Variants in PCCA observed in about 807,000 individuals in gnomAD.
PCCA encodes the protein propionyl-CoA carboxylase subunit alpha.
In PCCA, 74 loss-of-function variants were observed where a neutral mutation model predicts 101.3. The observed-to-expected ratio is 0.73, with a 90% confidence interval of 0.61 to 0.89. The LOEUF is 0.89. Ranked by LOEUF, PCCA falls within the 40% of genes least tolerant of loss-of-function variation. PCCA has a pLI of 0.00. For synonymous variants in PCCA, 294 were observed against 313.6 expected, an observed-to-expected ratio of 0.94 and a Z score of 0.66; for missense variants, 891 against 907.0, an observed-to-expected ratio of 0.98 and a Z score of 0.23.
chr13:100,298,672 CTCCTTCCTTCCTTCCT>C (rs1162874306), intron 12 of PCCA, among the ~76,000 whole-genome samples: 245 of 3,076 alleles, frequency 0.08, 9 homozygotes, highest in African/African-American at 0.12. Context: ...CCCTCCCTCC[CTCCTTCCTTCCTTCCT>C]TCCTTCCTTC....
intron 8 of PCCA, among the ~76,000 whole-genome samples, chr13:100,249,901 T>C (rs570536278): frequency 6.6e-6 from 1 of 152,326 alleles, no homozygotes; most frequent in African/African-American, 2.4e-5. Flanking sequence ...TAATCTTTTG[T>C]ATATTAATTT....
intron 21 of PCCA, among the ~76,000 whole-genome samples, chr13:100,458,820 G>A (rs1447939336): frequency 6.6e-6 from 1 of 152,078 alleles, no homozygotes; most frequent in African/African-American, 2.4e-5. Flanking sequence ...CTCACCTTTG[G>A]TATCTATCCG....
intron 20 of PCCA, among the ~76,000 whole-genome samples, chr13:100,431,708 T>A (rs2152902428): frequency 6.6e-6 from 1 of 151,374 alleles, no homozygotes; most frequent in East Asian, 2.0e-4. Context: ...CCACTAAAAA[T>A]ACAAAAAATT....
chr13:100,315,399 C>T (rs750600865), intron 16 of PCCA, among the ~76,000 whole-genome samples: 2 of 152,108 alleles, frequency 1.3e-5, no homozygotes, highest in Admixed American at 6.5e-5. Flanking sequence ...TTTGAACTTA[C>T]ATATTACTCA....
intron 4 of PCCA, among the ~76,000 whole-genome samples, chr13:100,133,097 T>A (rs1300569354): frequency 6.6e-6 from 1 of 152,192 alleles, no homozygotes; most frequent in East Asian, 1.9e-4. Flanking sequence ...ACCACTCTAA[T>A]ATGGTTTGGA....
chr13:100,411,543 C>G (rs951776722), intron 19 of PCCA, among the ~76,000 whole-genome samples: 1 of 152,092 alleles, frequency 6.6e-6, no homozygotes, highest in African/African-American at 2.4e-5. Context: ...TGGTCTATGC[C>G]CTGCAAGTCT....
intron 19 of PCCA, among the ~76,000 whole-genome samples, chr13:100,375,798 A>G (rs1305379674): frequency 6.6e-6 from 1 of 152,234 alleles, no homozygotes; most frequent in Admixed American, 6.5e-5. Flanking sequence ...TAACAATATT[A>G]ACCTTAAATG....
chr13:100,119,189 C>T (rs1316956279), intron 4 of PCCA, among the ~76,000 whole-genome samples: 1 of 151,740 alleles, frequency 6.6e-6, no homozygotes, highest in Non-Finnish European at 1.5e-5. Flanking sequence ...TATCTTTTTT[C>T]TTATGTATTT....
chr13:100,095,039 C>T (rs1450901386), intron 1 of PCCA, among the ~76,000 whole-genome samples: 1 of 152,210 alleles, frequency 6.6e-6, no homozygotes. Context: ...GGCCATGCTT[C>T]GCCTGAAGGC....
intron 6 of PCCA, among the ~76,000 whole-genome samples, chr13:100,206,613 GT>G (rs1325473789): frequency 6.6e-6 from 1 of 152,126 alleles, no homozygotes; most frequent in Non-Finnish European, 1.5e-5. Flanking sequence ...AAAACTAACA[GT>G]TGTGGCACTC....
chr13:100,238,538 A>G (rs1288577688), intron 8 of PCCA, among the ~76,000 whole-genome samples: 1 of 152,112 alleles, frequency 6.6e-6, no homozygotes, highest in Non-Finnish European at 1.5e-5. Context: ...GCTATTAAGT[A>G]TAAGAGTACT....
intron 21 of PCCA, among the ~76,000 whole-genome samples, chr13:100,494,180 C>T (rs958904838): frequency 4.0e-5 from 6 of 151,366 alleles, no homozygotes; most frequent in African/African-American, 1.5e-4. Flanking sequence ...AGAGGAGACT[C>T]TGTCTCAAAA....
chr13:100,223,391 G>C (rs2059937568), intron 7 of PCCA, among the ~76,000 whole-genome samples: 1 of 152,098 alleles, frequency 6.6e-6, no homozygotes, highest in Non-Finnish European at 1.5e-5. Context: ...TGGTCTTGCT[G>C]GCTCAGGAGT....
At chr13:100,126,737 A>G (rs2049994177) in intron 4 of PCCA, among the ~76,000 whole-genome samples, 1 of 152,190 alleles carries the variant, frequency 6.6e-6, no homozygotes, top group Non-Finnish European at 1.5e-5. Flanking sequence ...TAAATCCATG[A>G]GCAAACTGGA....
intron 6 of PCCA, among the ~76,000 whole-genome samples, chr13:100,186,717 G>GGT (rs2057297947): frequency 7.0e-6 from 1 of 142,422 alleles, no homozygotes; most frequent in African/African-American, 2.7e-5. Flanking sequence ...CTCCAGCCTG[G>GGT]GTGAGAGTGA....
rs548173469 is a variant in PCCA at position 100,332,554 on chromosome 13, A to G, written c.1540+1883A>G. 7.9e-5 allele frequency among the ~76,000 whole-genome samples: 12 copies of G among 152,316 alleles called. 1 individual carries two copies. Among genetic ancestry groups the G allele is most frequent in the Admixed American group, 2.6e-4 (4 of 15,296 alleles). On this transcript the variant is annotated intron_variant, in intron 17 of 23. Transcript: ENST00000376285. ...TACACATTTATATATAAGTTTGTCTATATGTATGTATGGTGAAGTATCCCA... is the reference window on the plus strand; with the variant it reads ...TACACATTTATATATAAGTTTGTCTGTATGTATGTATGGTGAAGTATCCCA...
chr13:100,387,103 A>C (rs988106302), intron 19 of PCCA, among the ~76,000 whole-genome samples: 1 of 152,184 alleles, frequency 6.6e-6, no homozygotes, highest in Non-Finnish European at 1.5e-5. Context: ...CCACAGGTGT[A>C]AGTACACAAA....
chr13:100,434,161 A>T (rs1463651888), intron 20 of PCCA, among the ~76,000 whole-genome samples: 1 of 152,102 alleles, frequency 6.6e-6, no homozygotes. Flanking sequence ...TAGGCCAGAG[A>T]ATTTCTTTAT....
intron 21 of PCCA, among the ~76,000 whole-genome samples, chr13:100,451,093 T>A (rs2081191331): frequency 6.6e-6 from 1 of 152,244 alleles, no homozygotes; most frequent in South Asian, 2.1e-4. Context: ...GTCCACTGGC[T>A]GAAGCCCTCC....
Sources: allele counts gnomAD v4.1 joint callset (sites outside exome capture counted in the v4.1 genomes callset), GRCh38; gene constraint gnomAD v4.1.1; transcripts MANE v1.5; gene names NCBI Gene and HGNC (gene_info 2026-07-23, HGNC 2026-07-21).